The following CFAP57 variants were observed in gnomAD, a reference collection of about 807,000 sequenced individuals.
CFAP57 encodes the protein cilia- and flagella-associated protein 57.
Under a neutral mutation model 146.8 loss-of-function variants are expected in CFAP57, and 116 were observed. The ratio of observed to expected loss-of-function variants is 0.79; its 90% CI spans 0.68 to 0.92. The LOEUF is 0.92. Among genes scored for constraint, CFAP57 ranks in the 40% least tolerant of loss-of-function variants. The pLI is 0.00. For synonymous variants in CFAP57, 518 were observed against 552.8 expected (o/e 0.94, Z 0.88); for missense variants, 1,377 against 1,527.2 (o/e 0.90, Z 1.64).
At chr1:43,185,434 G>A (rs1485676037) in intron 5 of CFAP57, 78 bp downstream of exon 5, 2 of 1,336,630 alleles carry the variant, frequency 1.5e-6, no homozygotes, top group Non-Finnish European at 2.1e-6. Context: ...CTCTGAGAAG[G>A]CATCTGATGG....
intron 7 of CFAP57, 25 bp downstream of exon 7, chr1:43,197,717 T>C (rs747041732): frequency 1.2e-6 from 2 of 1,613,904 alleles, no homozygotes; most frequent in Non-Finnish European, 8.5e-7. Context: ...GCTTGCCTAC[T>C]TTATTATGCA....
At chr1:43,202,463 A>G (rs1348674795) in intron 9 of CFAP57, among the ~76,000 whole-genome samples, 1 of 152,172 alleles carries the variant, frequency 6.6e-6, no homozygotes, top group Non-Finnish European at 1.5e-5. Context: ...AGGGGATATC[A>G]CTAAAGGTCC....
intron 6 of CFAP57, among the ~76,000 whole-genome samples, chr1:43,195,247 G>C (rs574418978): frequency 6.6e-6 from 1 of 152,276 alleles, no homozygotes; most frequent in Non-Finnish European, 1.5e-5. Context: ...GGACAGGCCA[G>C]GTGTGATGGC....
chr1:43,215,464 T>C, intron 12 of CFAP57, 48 bp downstream of exon 12: 3 of 1,526,964 alleles, frequency 2.0e-6, no homozygotes, highest in East Asian at 4.9e-5. Flanking sequence ...CTTACCAGAC[T>C]GCATTCAGAT....
At position 43,172,862 on chromosome 1, in the gene CFAP57, C is replaced by T; in HGVS notation, c.109C>T (p.His37Tyr). ...EQIIIFPSGN[H>Y]CVKYNVDQKW... Reference sequence around the variant, plus strand: ...GATCATTATATTTCCTTCAGGAAATCACTGTGTGAAGTACAATGTGGATCA... The same window carrying T: ...GATCATTATATTTCCTTCAGGAAATTACTGTGTGAAGTACAATGTGGATCA... Residue 37 changes from histidine to tyrosine, a missense_variant, in exon 2 of 23, where the codon CAC becomes TAC. His to Tyr is a moderately conservative substitution (Grantham distance 83, BLOSUM62 2). Coordinates refer to ENST00000372492, the MANE Select transcript of CFAP57 (RefSeq NM_001378189.1). 6.2e-7 allele frequency: 1 copy of T among 1,613,992 alleles called. No individual in the cohort carries two copies.
chr1:43,253,904 G>C, intron 22 of CFAP57, 73 bp from the exon 23 acceptor site: 2 of 1,330,612 alleles, frequency 1.5e-6, no homozygotes, highest in Non-Finnish European at 2.1e-6. Flanking sequence ...AGGAAGCAGG[G>C]AGGGAGGAGG....
chr1:43,195,799 T>C (rs1281606107), intron 6 of CFAP57, among the ~76,000 whole-genome samples: 1 of 152,208 alleles, frequency 6.6e-6, no homozygotes, highest in East Asian at 1.9e-4. Context: ...CACATATGTA[T>C]ATAGTCAGTG....
At chr1:43,230,088 A>G (rs1645406628) in intron 18 of CFAP57, among the ~76,000 whole-genome samples, 1 of 152,202 alleles carries the variant, frequency 6.6e-6, no homozygotes, top group Non-Finnish European at 1.5e-5. Flanking sequence ...CTATAAACAG[A>G]TTATTTTTAT....
At chr1:43,173,302 A>G (rs1645048996) in intron 2 of CFAP57, among the ~76,000 whole-genome samples, 1 of 152,132 alleles carries the variant, frequency 6.6e-6, no homozygotes, top group Non-Finnish European at 1.5e-5. Context: ...GACACTGTAA[A>G]CTTTATCCCA....
At chr1:43,186,332 C>T (rs540750819) in intron 5 of CFAP57, among the ~76,000 whole-genome samples, 1 of 152,152 alleles carries the variant, frequency 6.6e-6, no homozygotes, top group South Asian at 2.1e-4. Context: ...AAAGCCTAGG[C>T]CGGGCGCAGT....
In CFAP57 at chr1:43,254,048, A is replaced by G. The variant is rs1042283067; in HGVS notation, c.3610A>G (p.Ile1204Val). The change falls in exon 23 of 23, where the codon ATT becomes GTT. Residue 1204 changes from isoleucine (I) to valine (V), a missense_variant. Physicochemically the swap from Ile to Val is conservative, Grantham distance 29. Coordinates refer to ENST00000372492, the MANE Select transcript of CFAP57 (RefSeq NM_001378189.1). ...TGAGCAAGAAGAAACTGGGAGGATC[A>G]TTGAAATGCAGCGCCTAGAAATCCA... ...LNEQEETGRIIEMQRLEIQRL... is the reference protein window; with the variant it reads ...LNEQEETGRIVEMQRLEIQRL... 148 of 1,550,548 alleles carry G rather than the reference A, an allele frequency of 9.5e-5. No homozygotes were observed. Among genetic ancestry groups the G allele is most frequent in the Non-Finnish European group, 1.2e-4 (143 of 1,147,032 alleles).
intron 15 of CFAP57, 102 bp downstream of exon 15, chr1:43,222,397 C>A: frequency 1.8e-6 from 2 of 1,110,660 alleles, no homozygotes; most frequent in Non-Finnish European, 2.4e-6. Context: ...ATGTGTTATA[C>A]ACTGGGTCAG....
At chr1:43,219,830 G>A (rs1221004689) in intron 13 of CFAP57, among the ~76,000 whole-genome samples, 8 of 152,116 alleles carry the variant, frequency 5.3e-5, no homozygotes, top group South Asian at 2.1e-4. Flanking sequence ...ATGGTGGCAC[G>A]TGCCCATAGT....
chr1:43,183,590 G>A lies in CFAP57; in HGVS notation c.475-1G>A. The A allele has an allele frequency of 6.2e-7, 1 of 1,613,768 alleles. No individual in the cohort carries two copies. The highest frequency in any genetic ancestry group is 8.5e-7 in the Non-Finnish European group (1 of 1,179,698). On this transcript the variant is annotated splice_acceptor_variant, in intron 3 of 22. Coordinates refer to ENST00000372492, the MANE Select transcript of CFAP57 (RefSeq NM_001378189.1). LOFTEE classifies it high-confidence loss of function. ...TTCTTCAATTCTCTCACATTTTACAGGTGAGCTTCAGTCCACAGGATAACA... is the reference window on the plus strand; with the variant it reads ...TTCTTCAATTCTCTCACATTTTACAAGTGAGCTTCAGTCCACAGGATAACA...
intron 4 of CFAP57, among the ~76,000 whole-genome samples, chr1:43,184,081 T>C (rs977153504): frequency 3.3e-4 from 50 of 152,230 alleles, no homozygotes; most frequent in African/African-American, 1.2e-3. Flanking sequence ...TTCTTTTTAT[T>C]TTTTATACCT....
rs1389434479 is a variant in CFAP57 at position 43,172,377 on chromosome 1, G to C, written c.-96G>C. 6.4e-7 allele frequency: 1 copy of C among 1,551,626 alleles called. No homozygotes were observed. Among genetic ancestry groups the C allele is most frequent in the East Asian group, 2.4e-5 (1 of 40,898 alleles). On this transcript the variant is annotated 5_prime_UTR_variant, in exon 1 of 23. Transcript: ENST00000372492. ...AGGAACCGCTACGGCGTTTGAAAGT[G>C]TCCGGGTTGCTTAGGATCCCTACAG... is the stretch of plus-strand genomic sequence containing the variant.
intron 7 of CFAP57, 122 bp from the exon 8 acceptor site, chr1:43,198,359 C>T (rs1397477225): frequency 8.9e-7 from 1 of 1,126,850 alleles, no homozygotes; most frequent in East Asian, 2.5e-5. Context: ...AAGAGAGGAA[C>T]CAACAATTGC....
chr1:43,202,572 C>T (rs972113434), intron 9 of CFAP57, among the ~76,000 whole-genome samples: 2 of 151,204 alleles, frequency 1.3e-5, no homozygotes, highest in East Asian at 2.0e-4. Flanking sequence ...CCCTTGAGAT[C>T]GGGAGTTCGA....
intron 21 of CFAP57, among the ~76,000 whole-genome samples, chr1:43,239,510 G>A (rs564907678): frequency 6.6e-6 from 1 of 152,314 alleles, no homozygotes; most frequent in African/African-American, 2.4e-5. Context: ...CTTTACAGCA[G>A]AACAAGGGAG....
Sources: allele counts gnomAD v4.1 joint callset (sites outside exome capture counted in the v4.1 genomes callset), GRCh38; gene constraint gnomAD v4.1.1; transcripts MANE v1.5; gene names NCBI Gene and HGNC (gene_info 2026-07-23, HGNC 2026-07-21).